The following DOCK2 variants were observed in gnomAD, a reference collection of about 807,000 sequenced individuals.
DOCK2 encodes the protein dedicator of cytokinesis 2.
DOCK2 carries 87 observed loss-of-function variants against 248.9 expected under a neutral mutation model. The observed-to-expected ratio is 0.35, with a 90% confidence interval of 0.29 to 0.42. The LOEUF is 0.42. Among genes scored for constraint, DOCK2 ranks in the 10% least tolerant of loss-of-function variants. The pLI, the probability that DOCK2 is intolerant of heterozygous loss-of-function variation, is 1.00. For missense variants in DOCK2, 1,747 were observed against 2,300.2 expected (o/e 0.76, Z 4.92); for synonymous variants, 805 against 821.6 (o/e 0.98, Z 0.35).
intron 22 of DOCK2, among the ~76,000 whole-genome samples, chr5:169,735,142 G>T (rs749517767): frequency 2.6e-5 from 4 of 152,184 alleles, no homozygotes; most frequent in Non-Finnish European, 5.9e-5. Context: ...GTTCAAATCA[G>T]ATCACAGTAC....
chr5:170,020,783 T>C (rs1285393908), intron 33 of DOCK2, among the ~76,000 whole-genome samples: 1 of 152,218 alleles, frequency 6.6e-6, no homozygotes, highest in East Asian at 1.9e-4. Context: ...GCTAGAGCAG[T>C]GCTTTCCCTA....
intron 46 of DOCK2, among the ~76,000 whole-genome samples, chr5:170,072,793 T>C (rs112194254): frequency 1.3e-5 from 2 of 152,252 alleles, no homozygotes; most frequent in Non-Finnish European, 2.9e-5. Flanking sequence ...CCTTTTCATA[T>C]GCTTACTGCT....
At chr5:170,017,255 C>A (rs1755566690) in intron 32 of DOCK2, among the ~76,000 whole-genome samples, 1 of 152,064 alleles carries the variant, frequency 6.6e-6, no homozygotes, top group South Asian at 2.1e-4. Flanking sequence ...CCCTGAGGTG[C>A]TCTCTGCCCC....
chr5:169,671,447 C>T (rs1374622673), intron 5 of DOCK2, among the ~76,000 whole-genome samples: 4 of 152,176 alleles, frequency 2.6e-5, no homozygotes, highest in Non-Finnish European at 4.4e-5. Flanking sequence ...GCATAAGAAT[C>T]ACCTTAAGAA....
intron 2 of DOCK2, among the ~76,000 whole-genome samples, chr5:169,666,143 T>G (rs1758716763): frequency 6.6e-6 from 1 of 152,112 alleles, no homozygotes; most frequent in Non-Finnish European, 1.5e-5. Flanking sequence ...GGGGGCCGCT[T>G]CTTGGTTTGT....
chr5:169,841,269 A>G (rs1769954386), intron 27 of DOCK2: 2 of 926,942 alleles, frequency 2.2e-6, no homozygotes, highest in South Asian at 4.3e-5. Context: ...ATTGCGTGTT[A>G]ATTCTGCCCA....
chr5:169,857,291 A>G (rs541148841), intron 27 of DOCK2, among the ~76,000 whole-genome samples: 59 of 152,356 alleles, frequency 3.9e-4, no homozygotes, highest in African/African-American at 1.4e-3. Context: ...AAATGTGCAG[A>G]ATGCATTGGG....
chr5:169,891,469 A>G (rs887724388), intron 27 of DOCK2, among the ~76,000 whole-genome samples: 1 of 152,202 alleles, frequency 6.6e-6, no homozygotes, highest in Non-Finnish European at 1.5e-5. Context: ...TTATTTAACG[A>G]TTTTCAAAAT....
At chr5:169,757,950 C>T (rs894134484) in intron 23 of DOCK2, among the ~76,000 whole-genome samples, 1 of 152,190 alleles carries the variant, frequency 6.6e-6, no homozygotes, top group African/African-American at 2.4e-5. Flanking sequence ...GTTACTGTAT[C>T]TTCCAAGGTA....
intron 26 of DOCK2, among the ~76,000 whole-genome samples, chr5:169,817,961 T>G (rs1014920511): frequency 1.3e-5 from 2 of 152,222 alleles, no homozygotes; most frequent in Non-Finnish European, 2.9e-5. Flanking sequence ...GAAAGGTAAA[T>G]CTTCTGCTTT....
chr5:170,033,542 A>G (rs1257105808), intron 34 of DOCK2, among the ~76,000 whole-genome samples: 2 of 152,182 alleles, frequency 1.3e-5, no homozygotes, highest in Non-Finnish European at 2.9e-5. Context: ...ATGGCCATGT[A>G]CACTTGCACA....
chr5:170,047,758 C>G (rs1342345144), intron 40 of DOCK2, 144 bp downstream of exon 40: 1 of 641,876 alleles, frequency 1.6e-6, no homozygotes, highest in Non-Finnish European at 2.6e-6. Context: ...CAGGAGACTC[C>G]CCAGTCAATA....
intron 27 of DOCK2, among the ~76,000 whole-genome samples, chr5:169,942,684 C>G (rs1015117278): frequency 6.6e-6 from 1 of 152,134 alleles, no homozygotes; most frequent in Non-Finnish European, 1.5e-5. Context: ...GCCCTGCAAG[C>G]AGTACAGAGA....
chr5:169,646,384 GA>G (rs1219786047), intron 1 of DOCK2, among the ~76,000 whole-genome samples: 1 of 152,158 alleles, frequency 6.6e-6, no homozygotes, highest in Non-Finnish European at 1.5e-5. Context: ...GACACCCTAA[GA>G]AAAATAACTT....
intron 27 of DOCK2, chr5:169,882,547 C>A (rs1214725578): frequency 3.3e-6 from 5 of 1,537,542 alleles, no homozygotes; most frequent in Non-Finnish European, 4.4e-6. Flanking sequence ...AAAAAAATCT[C>A]CTTACCCTTC....
At position 169,998,734 on chromosome 5, in the gene DOCK2, C is replaced by T. The variant is rs570319480; in HGVS notation, c.3072+2570C>T. 3.2e-4 allele frequency among the ~76,000 whole-genome samples: 49 copies of T among 152,204 alleles called. 1 individual carries two copies. Among genetic ancestry groups the T allele is most frequent in the Non-Finnish European group, 6.5e-4 (44 of 68,036 alleles). On this transcript the variant is annotated intron_variant, in intron 30 of 51. Transcript: ENST00000520908. The stretch of plus-strand genomic sequence containing the variant: ...AAGCCCACCCAGATGACTACAGCCA[C>T]GTGCCTGATATAGACTTTCACCCTT...
At chr5:170,010,490 G>C (rs1384979235) in intron 32 of DOCK2, among the ~76,000 whole-genome samples, 4 of 152,194 alleles carry the variant, frequency 2.6e-5, no homozygotes, top group Non-Finnish European at 5.9e-5. Flanking sequence ...GCCTGCGGCA[G>C]AGTGAAACTG....
At chr5:169,939,087 G>A (rs964064703) in intron 27 of DOCK2, among the ~76,000 whole-genome samples, 1 of 151,750 alleles carries the variant, frequency 6.6e-6, no homozygotes, top group African/African-American at 2.4e-5. Context: ...TGTATTTTTA[G>A]TAGAGACGGG....
intron 23 of DOCK2, among the ~76,000 whole-genome samples, chr5:169,752,864 A>G (rs1763974966): frequency 6.6e-6 from 1 of 152,140 alleles, no homozygotes; most frequent in Non-Finnish European, 1.5e-5. Context: ...CTGGAGTTTG[A>G]GATCAGCCTG....
Sources: gnomAD v4.1 joint callset for allele counts (sites outside exome capture counted in the v4.1 genomes callset) on GRCh38, gnomAD v4.1.1 for gene constraint, MANE v1.5 for transcripts, NCBI Gene and HGNC (gene_info 2026-07-23, HGNC 2026-07-21) for gene names.